The following SMYD3 variants were observed in gnomAD, a reference collection of about 807,000 sequenced individuals.
The protein encoded by SMYD3 is histone-lysine N-methyltransferase SMYD3.
SMYD3 carries 36 observed loss-of-function variants against 57.7 expected under a neutral mutation model. The ratio of observed to expected loss-of-function variants is 0.62; its 90% confidence interval spans 0.48 to 0.82. SMYD3 has a LOEUF of 0.82. SMYD3 is among the 40% of genes least tolerant of loss of function. The pLI, the probability that SMYD3 is intolerant of heterozygous loss-of-function variation, is 0.00. For missense variants in SMYD3, 515 were observed against 538.8 expected, an observed-to-expected ratio of 0.96 and a Z score of 0.44; for synonymous variants, 211 against 195.0, an observed-to-expected ratio of 1.08 and a Z score of -0.68.
intron 5 of SMYD3, among the ~76,000 whole-genome samples, chr1:246,188,601 TGAC>T (rs2062682772): frequency 6.6e-6 from 1 of 152,096 alleles, no homozygotes; most frequent in Non-Finnish European, 1.5e-5. Context: ...CATTTGTGGT[TGAC>T]ATTTTTTTTT....
chr1:245,930,024 T>C lies in SMYD3; in HGVS notation c.532-87A>G, dbSNP rs1572718328. The C allele has an allele frequency of 4.6e-6, 5 of 1,088,014 alleles. No homozygotes were observed. The East Asian group carries it at 7.2e-5, about 16-fold the overall frequency. 67.4% of individuals were successfully genotyped at this position (1,088,014 alleles called of 1,614,324 possible). A position where few individuals can be genotyped will look rare whatever the true frequency, so the allele number is the denominator to read the frequency against. ...AGAATAAAAAACGTTCAAACCCAAATGTAGGAGCATCTTAGTAGTTGCTTA... is the reference window on the plus strand; with the variant it reads ...AGAATAAAAAACGTTCAAACCCAAACGTAGGAGCATCTTAGTAGTTGCTTA... On this transcript the variant is annotated intron_variant, in intron 5 of 11. Transcript: ENST00000490107.
At chr1:245,942,843 C>G (rs2057297498) in intron 5 of SMYD3, among the ~76,000 whole-genome samples, 1 of 152,162 alleles carries the variant, frequency 6.6e-6, no homozygotes, top group Non-Finnish European at 1.5e-5. Flanking sequence ...CTCAAAACCA[C>G]ACAACTACAT....
intron 11 of SMYD3, among the ~76,000 whole-genome samples, chr1:245,758,776 G>A (rs2148031240): frequency 6.6e-6 from 1 of 152,238 alleles, no homozygotes; most frequent in South Asian, 2.1e-4. Context: ...AAATCTGTCA[G>A]ACTATTCTAA....
intron 5 of SMYD3, among the ~76,000 whole-genome samples, chr1:246,236,590 A>G (rs1010956053): frequency 2.6e-5 from 4 of 151,814 alleles, no homozygotes; most frequent in African/African-American, 9.7e-5. Flanking sequence ...AATTTTTTGT[A>G]TTTTTAGTAG....
intron 10 of SMYD3, chr1:245,814,552 G>A (rs1049813878): frequency 6.0e-5 from 14 of 232,906 alleles, no homozygotes; most frequent in African/African-American, 3.0e-4. Flanking sequence ...CGGCCCCAGG[G>A]ACCTGTGAAA....
chr1:246,243,864 C>G (rs12126631), intron 5 of SMYD3, among the ~76,000 whole-genome samples: 30,366 of 150,008 alleles, frequency 0.2, 3,764 homozygotes, highest in East Asian at 0.57. Flanking sequence ...ACATTCTACA[C>G]GTTTTGTAAA....
chr1:246,268,215 C>T (rs2064148731), intron 5 of SMYD3, among the ~76,000 whole-genome samples: 1 of 152,138 alleles, frequency 6.6e-6, no homozygotes, highest in Admixed American at 6.5e-5. Flanking sequence ...GCTGATAAAA[C>T]AGGTTGTAAA....
At chr1:246,310,661 C>CTTTTTTT (rs386370347) in intron 5 of SMYD3, among the ~76,000 whole-genome samples, 1 of 72,206 alleles carries the variant, frequency 1.4e-5, no homozygotes, top group Admixed American at 1.8e-4. Flanking sequence ...AAGAGTAAGG[C>CTTTTTTT]TTTTTTTTTT....
chr1:245,862,321 T>G, intron 9 of SMYD3, among the ~76,000 whole-genome samples: 1 of 152,170 alleles, frequency 6.6e-6, no homozygotes, highest in Non-Finnish European at 1.5e-5. Context: ...GATTATATTA[T>G]ACTCTTAAAT....
intron 1 of SMYD3, among the ~76,000 whole-genome samples, chr1:246,491,223 C>T (rs1189576210): frequency 6.6e-6 from 1 of 152,046 alleles, no homozygotes; most frequent in African/African-American, 2.4e-5. Context: ...TAGAAAGGAC[C>T]ACTAGTTATG....
At chr1:246,043,652 T>C (rs1224080812) in intron 5 of SMYD3, among the ~76,000 whole-genome samples, 1 of 152,202 alleles carries the variant, frequency 6.6e-6, no homozygotes. Context: ...AGATGATAAT[T>C]TGATAAATGC....
At position 245,927,985 on chromosome 1, in the gene SMYD3, G is replaced by T; in HGVS notation, c.648C>A (p.Phe216Leu). ...HSCDPNCSIV[F>L]NGPHLLLRAV... ...CTCGCAGTAAGAGGTGGGGCCCATT[G>T]AACACAATCGAACAGTTGGGGTCAC... is the stretch of plus-strand genomic sequence containing the variant. Residue 216 changes from phenylalanine (F) to leucine (L), a missense_variant, in exon 7 of 12, where the codon TTC becomes TTA. By Grantham distance (22) the Phe-to-Leu change is conservative (BLOSUM62 0). Coordinates refer to ENST00000490107, the MANE Select transcript of SMYD3 (RefSeq NM_001167740.2). 6.2e-7 allele frequency: 1 copy of T among 1,612,778 alleles called. No homozygotes were observed. The highest frequency in any genetic ancestry group is 1.1e-5 in the South Asian group (1 of 91,022).
intron 5 of SMYD3, among the ~76,000 whole-genome samples, chr1:245,960,684 G>A (rs1393727645): frequency 6.6e-6 from 1 of 152,054 alleles, no homozygotes; most frequent in Non-Finnish European, 1.5e-5. Flanking sequence ...CTGAGACCAT[G>A]CCACTGCACT....
At chr1:245,847,172 C>CAGGTT (rs548391271) in intron 10 of SMYD3, among the ~76,000 whole-genome samples, 75 of 152,316 alleles carry the variant, frequency 4.9e-4, no homozygotes, top group African/African-American at 1.7e-3. Context: ...TTATACTAAC[C>CAGGTT]AGCCCAGAAG....
intron 5 of SMYD3, among the ~76,000 whole-genome samples, chr1:245,935,713 G>A (rs1490536388): frequency 1.3e-5 from 2 of 152,268 alleles, no homozygotes; most frequent in Non-Finnish European, 1.5e-5. Context: ...TTAAAAAGAA[G>A]GAAATTCTGT....
intron 5 of SMYD3, among the ~76,000 whole-genome samples, chr1:246,315,698 G>A (rs576084390): frequency 6.6e-6 from 1 of 152,282 alleles, no homozygotes; most frequent in Non-Finnish European, 1.5e-5. Flanking sequence ...ATCATGCTTT[G>A]TAAATAGACA....
At chr1:246,231,645 T>G (rs967421583) in intron 5 of SMYD3, among the ~76,000 whole-genome samples, 3 of 152,204 alleles carry the variant, frequency 2.0e-5, no homozygotes, top group Non-Finnish European at 2.9e-5. Flanking sequence ...ATCCTAGAGA[T>G]AGTATCTCTT....
chr1:246,471,251 T>C (rs762816649), intron 1 of SMYD3, among the ~76,000 whole-genome samples: 3 of 152,210 alleles, frequency 2.0e-5, no homozygotes, highest in Non-Finnish European at 4.4e-5. Flanking sequence ...CAGGCTGAAG[T>C]GCGGCTGTAT....
intron 10 of SMYD3, among the ~76,000 whole-genome samples, chr1:245,774,853 G>A (rs1278589012): frequency 6.6e-6 from 1 of 152,174 alleles, no homozygotes; most frequent in Non-Finnish European, 1.5e-5. Context: ...GGGGTGCACC[G>A]CCACGCCTGA....
Sources: allele counts gnomAD v4.1 joint callset (sites outside exome capture counted in the v4.1 genomes callset), GRCh38; gene constraint gnomAD v4.1.1; transcripts MANE v1.5; gene names NCBI Gene and HGNC (gene_info 2026-07-23, HGNC 2026-07-21).